The following GRK1 variants were observed in gnomAD, a reference collection of about 807,000 sequenced individuals.
GRK1 encodes G protein-coupled receptor kinase 1.
A neutral mutation model predicts 41.7 loss-of-function variants in GRK1; 28 were observed. The observed-to-expected ratio is 0.67, with a 90% CI of 0.50 to 0.92. The LOEUF is 0.92. Among genes scored for constraint, GRK1 ranks in the 40% least tolerant of loss-of-function variants. GRK1 has a pLI of 0.00. For synonymous variants in GRK1, 327 were observed against 286.7 expected (o/e 1.14, Z -1.42); for missense variants, 703 against 671.2 (o/e 1.05, Z -0.52).
chr13:113,723,222 G>A (rs1033463721), intron 4 of GRK1, 65 bp downstream of exon 4: 6 of 653,298 alleles, frequency 9.2e-6, no homozygotes, highest in African/African-American at 8.9e-5. Context: ...ACATGTGTGT[G>A]CCTGTGTGCA....
At chr13:113,650,176 A>G in the GRK1 span, among the ~76,000 whole-genome samples, 36 of 152,238 alleles carry the variant, frequency 2.4e-4, no homozygotes, top group Admixed American at 2.4e-3. The surrounding 1 kb of genome is among the most constrained non-coding windows in gnomAD (Gnocchi z 5.0). Context: ...CTCAAAAAAA[A>G]AAAAAAAAGT....
At chr13:113,733,818 TGTGCGTGTGTGTGCACGTGC>T in intron 6 of GRK1, among the ~76,000 whole-genome samples, 1 of 136,280 alleles carries the variant, frequency 7.3e-6, no homozygotes, top group South Asian at 2.7e-4. Flanking sequence ...TGCATACGTG[TGTGCGTGTGTGTGCACGTGC>T]GTGTGCATGT....
intron 4 of GRK1, among the ~76,000 whole-genome samples, chr13:113,729,872 G>A (rs2049921513): frequency 6.8e-6 from 1 of 147,888 alleles, no homozygotes; most frequent in Non-Finnish European, 1.5e-5. Flanking sequence ...GATGCGCCCA[G>A]ACCCGTCCCT....
the GRK1 span, chr13:113,649,143 T>C: frequency 9.8e-6 from 4 of 406,432 alleles, no homozygotes; most frequent in South Asian, 3.7e-5. The surrounding 1 kb of genome is among the most constrained non-coding windows in gnomAD (Gnocchi z 4.7). Context: ...GACATTCTTA[T>C]AGCAGCAAAT....
At chr13:113,658,154 C>T in the GRK1 span, 2 of 1,608,930 alleles carry the variant, frequency 1.2e-6, no homozygotes, top group South Asian at 2.2e-5. Flanking sequence ...TCGTCCCTGG[C>T]CTGAGATCCT....
At chr13:113,733,838 CGT>C (rs2049970226) in intron 6 of GRK1, among the ~76,000 whole-genome samples, 2 of 81,248 alleles carry the variant, frequency 2.5e-5, no homozygotes, top group Admixed American at 1.3e-4. Flanking sequence ...TGTGCACGTG[CGT>C]GTGCATGTGT....
At position 113,735,510 on chromosome 13, in the gene GRK1, C is replaced by CG; in HGVS notation, c.*147_*148insG. The CG allele has an allele frequency of 3.3e-6, 3 of 896,010 alleles. No homozygotes were observed. Among genetic ancestry groups the CG allele is most frequent in the Non-Finnish European group, 4.7e-6 (3 of 633,440 alleles). 55.5% of individuals were successfully genotyped at this position (896,010 alleles called of 1,614,324 possible). A position where few individuals can be genotyped will look rare whatever the true frequency, so the allele number is the denominator to read the frequency against. ...CCCCATCACGCCATCTCCTTGCGGC[C>CG]CAAGGAGGAGAAAGCCCACATCGGC... is the stretch of plus-strand genomic sequence containing the variant. On this transcript the variant is annotated 3_prime_UTR_variant, in exon 7 of 7. Coordinates refer to ENST00000335678, the MANE Select transcript of GRK1 (RefSeq NM_002929.3).
rs2049947897 is a variant in GRK1 at position 113,732,943 on chromosome 13, G to A, written c.1254G>A (p.Lys418=). The A allele has an allele frequency of 6.5e-7, 1 of 1,536,900 alleles. No individual in the cohort carries two copies. Among genetic ancestry groups the A allele is most frequent in the African/African-American group, 1.4e-5 (1 of 73,050 alleles). Residue 418 remains lysine, a synonymous_variant, in exon 6 of 7, where the codon AAG becomes AAA. Transcript: ENST00000335678. ...IISEPVKYPD[K]FSQASKDFCE... is the part of the protein sequence containing the mutation. ...CAGAGCCCGTGAAGTACCCTGATAA[G>A]TTCAGCCAGGCCAGCAAGGACTTCT...
At chr13:113,661,444 A>C in the GRK1 span, among the ~76,000 whole-genome samples, 2 of 152,126 alleles carry the variant, frequency 1.3e-5, no homozygotes, top group African/African-American at 4.8e-5. Context: ...GTAGAAAAAG[A>C]AAAGCAAGTA....
At chr13:113,656,027 C>T in the GRK1 span, among the ~76,000 whole-genome samples, 1 of 152,258 alleles carries the variant, frequency 6.6e-6, no homozygotes, top group African/African-American at 2.4e-5. Flanking sequence ...CACTTTGAGT[C>T]CCTCCTTTCC....
chr13:113,658,014 G>T, the GRK1 span: 2 of 1,577,272 alleles, frequency 1.3e-6, no homozygotes, highest in Non-Finnish European at 1.7e-6. Flanking sequence ...CACCCAGCCG[G>T]CCCGCCCCCC....
chr13:113,660,265 AAGTT>A, the GRK1 span, among the ~76,000 whole-genome samples: 1 of 152,066 alleles, frequency 6.6e-6, no homozygotes, highest in Non-Finnish European at 1.5e-5. Context: ...ACGTAGTAGA[AAGTT>A]AGGACTGTGA....
upstream of GRK1, chr13:113,667,039 A>C: frequency 5.3e-6 from 1 of 188,820 alleles, no homozygotes; most frequent in Non-Finnish European, 1.1e-5. This position sits in a 1 kb window ranked among gnomAD's most constrained non-coding sequence, Gnocchi z 7.5. Flanking sequence ...TGTCCTTCTC[A>C]GGGGAAAAGT....
chr13:113,731,319 AC>A lies in GRK1; in HGVS notation c.1173del (p.Phe392SerfsTer13). 1 of 1,536,524 alleles carries A rather than the reference AC, an allele frequency of 6.5e-7. No homozygotes were observed. The highest frequency in any genetic ancestry group is 8.7e-7 in the Non-Finnish European group (1 of 1,146,730). On this transcript the variant is annotated frameshift_variant, in exon 5 of 7. Coordinates refer to ENST00000335678, the MANE Select transcript of GRK1 (RefSeq NM_002929.3). LOFTEE classifies it high-confidence loss of function. The surrounding 1 kb of genome is among the most constrained non-coding windows in gnomAD (Gnocchi z 5.6). ...TLYEMIAARG[P>X]FRARGEKVEN... ...TGTATGAGATGATTGCGGCCAGAGGACCCTTCCGAGCCCGTGGAGAGAAGGT... is the reference window on the plus strand; with the variant it reads ...TGTATGAGATGATTGCGGCCAGAGGACCTTCCGAGCCCGTGGAGAGAAGGT...
At chr13:113,649,962 A>G in the GRK1 span, among the ~76,000 whole-genome samples, 1 of 152,104 alleles carries the variant, frequency 6.6e-6, no homozygotes, top group African/African-American at 2.4e-5. The surrounding 1 kb of genome is among the most constrained non-coding windows in gnomAD (Gnocchi z 4.7). Flanking sequence ...CAGGAGTTCA[A>G]GACCACCCTG....
intron 4 of GRK1, among the ~76,000 whole-genome samples, chr13:113,725,090 C>T (rs943892843): frequency 6.6e-6 from 1 of 152,252 alleles, no homozygotes; most frequent in African/African-American, 2.4e-5. Flanking sequence ...CCTGGAGATG[C>T]TGCCGTCAGG....
At chr13:113,664,192 C>T (rs973774402), upstream of GRK1, among the ~76,000 whole-genome samples, 9 of 152,072 alleles carry the variant, frequency 5.9e-5, no homozygotes, top group Admixed American at 1.3e-4. The surrounding 1 kb of genome is among the most constrained non-coding windows in gnomAD (Gnocchi z 5.4). Flanking sequence ...TTAGAGAAGT[C>T]GTGGTTGCCG....
Position 113,671,881 on chromosome 13 carries a change from G to A in GRK1, c.985+225G>A, listed in dbSNP as rs1168611491. Among the ~76,000 whole-genome samples the A allele has an allele frequency of 6.6e-6, 1 of 152,136 alleles. No individual in the cohort carries two copies. The highest frequency in any genetic ancestry group is 2.4e-5 in the African/African-American group (1 of 41,412). ...AGAACCAGCTGGGAACGGCGAGTCTGTTACGCCCAGTCCCCACCTTCCTTC... is the reference window on the plus strand; with the variant it reads ...AGAACCAGCTGGGAACGGCGAGTCTATTACGCCCAGTCCCCACCTTCCTTC... On this transcript the variant is annotated intron_variant, in intron 3 of 6. Coordinates refer to ENST00000335678, the MANE Select transcript of GRK1 (RefSeq NM_002929.3). This position sits in a 1 kb window ranked among gnomAD's most constrained non-coding sequence, Gnocchi z 4.1.
intron 6 of GRK1, among the ~76,000 whole-genome samples, chr13:113,734,252 G>A (rs1025065568): frequency 2.0e-5 from 3 of 152,240 alleles, no homozygotes; most frequent in Non-Finnish European, 4.4e-5. Context: ...TAGGGTCACA[G>A]CAGTGACTGC....
Sources: allele counts gnomAD v4.1 joint callset (sites outside exome capture counted in the v4.1 genomes callset), GRCh38; gene constraint gnomAD v4.1.1; non-coding constraint Gnocchi (gnomAD v3.1); transcripts MANE v1.5; gene names NCBI Gene and HGNC (gene_info 2026-07-23, HGNC 2026-07-21).